CDH12: variants seen among roughly 807,000 people sequenced by gnomAD.
The protein encoded by CDH12 is cadherin-12.
Under a neutral mutation model 74.1 loss-of-function variants are expected in CDH12, and 41 were observed. The ratio of observed to expected loss-of-function variants is 0.55; its 90% CI spans 0.43 to 0.72. The LOEUF (loss-of-function observed/expected upper bound fraction) is 0.72. Ranked by LOEUF, CDH12 falls within the 30% of genes least tolerant of loss-of-function variation. The probability of loss-of-function intolerance (pLI) is 0.00; values close to 1 mark genes in which losing one functional copy is unlikely to be tolerated. For synonymous variants in CDH12, 399 were observed against 355.0 expected (o/e 1.12, Z -1.39); for missense variants, 945 against 977.2 (o/e 0.97, Z 0.44).
At chr5:21,876,730 AT>A (rs61368449) in intron 6 of CDH12, among the ~76,000 whole-genome samples, 111,725 of 152,138 alleles carry the variant, frequency 0.73, 45,436 homozygotes, top group Non-Finnish European at 0.9. Context: ...TGTAAATTTA[AT>A]TTTGTCCACA....
intron 5 of CDH12, among the ~76,000 whole-genome samples, chr5:22,024,653 CA>C (rs1381931021): frequency 6.6e-6 from 1 of 152,100 alleles, no homozygotes; most frequent in Non-Finnish European, 1.5e-5. Context: ...GCTGGGATTA[CA>C]GGCACATGCT....
rs77450383 is a variant in CDH12, at chr5:22,379,782, GTC to G, written c.-333+25473_-333+25474del. On this transcript the variant is annotated intron_variant, in intron 3 of 14. Coordinates refer to ENST00000382254, the MANE Select transcript of CDH12 (RefSeq NM_004061.5). ...TATTTGTTTATTTATTTGAGATTGAGTCTCTTTCTGTTGCTTTGGCCAGAGTG... is the reference window on the plus strand; with the variant it reads ...TATTTGTTTATTTATTTGAGATTGAGTCTTTCTGTTGCTTTGGCCAGAGTG... Among the ~76,000 whole-genome samples, 764 of 152,202 alleles carry G rather than the reference GTC, an allele frequency of 5.0e-3. 16 individuals are homozygous for G. In the East Asian group the frequency reaches 0.054, roughly 11 times the overall value.
chr5:22,369,760 A>G (rs575430923), intron 3 of CDH12, among the ~76,000 whole-genome samples: 1 of 152,222 alleles, frequency 6.6e-6, no homozygotes, highest in Non-Finnish European at 1.5e-5. Flanking sequence ...CAGGCAAATA[A>G]GAATAATTAG....
intron 1 of CDH12, among the ~76,000 whole-genome samples, chr5:22,704,431 A>G (rs1348776193): frequency 2.0e-5 from 3 of 152,142 alleles, no homozygotes; most frequent in African/African-American, 7.2e-5. Flanking sequence ...AGCAAAAACT[A>G]TTTTAAAATA....
At chr5:21,971,778 A>T (rs1756865237) in intron 6 of CDH12, among the ~76,000 whole-genome samples, 1 of 152,132 alleles carries the variant, frequency 6.6e-6, no homozygotes, top group Non-Finnish European at 1.5e-5. Context: ...GTCTCCAAGG[A>T]TTTGCTTTGA....
intron 1 of CDH12, among the ~76,000 whole-genome samples, chr5:22,640,063 A>G (rs1364446921): frequency 6.6e-6 from 1 of 152,200 alleles, no homozygotes; most frequent in Non-Finnish European, 1.5e-5. Flanking sequence ...AACAATAAAG[A>G]AAGTGGTAAC....
intron 1 of CDH12, among the ~76,000 whole-genome samples, chr5:22,747,976 T>A (rs998443257): frequency 2.6e-5 from 4 of 152,174 alleles, no homozygotes; most frequent in Non-Finnish European, 5.9e-5. Flanking sequence ...TTGGTTCCCA[T>A]AAAGAGCACA....
At chr5:21,867,258 G>A (rs1751378868) in intron 6 of CDH12, among the ~76,000 whole-genome samples, 1 of 152,206 alleles carries the variant, frequency 6.6e-6, no homozygotes, top group Non-Finnish European at 1.5e-5. Flanking sequence ...AGGAGTCTGA[G>A]GCAAGAGAAT....
chr5:22,018,071 A>G (rs924019113), intron 5 of CDH12, among the ~76,000 whole-genome samples: 11 of 152,066 alleles, frequency 7.2e-5, no homozygotes, highest in African/African-American at 2.7e-4. Context: ...CTTCCTTTTA[A>G]TATTTAGTCC....
chr5:22,350,030 G>A (rs1279357039), intron 3 of CDH12, among the ~76,000 whole-genome samples: 13 of 152,146 alleles, frequency 8.5e-5, no homozygotes, highest in Admixed American at 4.6e-4. Context: ...GACATAGAGC[G>A]TACCTGTAAA....
intron 1 of CDH12, chr5:22,580,319 G>A (rs1740018965): frequency 4.7e-6 from 2 of 427,046 alleles, no homozygotes; most frequent in South Asian, 3.5e-5. Flanking sequence ...TGGCAAACAA[G>A]TGGTGCTTGC....
chr5:22,228,707 C>T (rs1752279389), intron 3 of CDH12, among the ~76,000 whole-genome samples: 1 of 151,924 alleles, frequency 6.6e-6, no homozygotes, highest in Admixed American at 6.6e-5. Flanking sequence ...TTCTAATTAG[C>T]CTGAATGTGC....
chr5:22,762,681 G>T (rs1008830883), intron 1 of CDH12, among the ~76,000 whole-genome samples: 4 of 151,910 alleles, frequency 2.6e-5, no homozygotes, highest in Non-Finnish European at 5.9e-5. Flanking sequence ...TTCTTTTCTG[G>T]GAAGATAAGA....
intron 6 of CDH12, among the ~76,000 whole-genome samples, chr5:21,930,568 C>A (rs770104397): frequency 4.6e-5 from 7 of 152,216 alleles, no homozygotes; most frequent in Non-Finnish European, 5.9e-5. Flanking sequence ...GAAAATTTAG[C>A]GCACTGTCTG....
intron 4 of CDH12, among the ~76,000 whole-genome samples, chr5:22,113,698 G>T (rs1202627810): frequency 6.6e-6 from 1 of 152,018 alleles, no homozygotes; most frequent in Non-Finnish European, 1.5e-5. Context: ...CTCATATTTG[G>T]CTCAGACTAA....
At chr5:22,711,871 A>C (rs1307690244) in intron 1 of CDH12, among the ~76,000 whole-genome samples, 2 of 152,114 alleles carry the variant, frequency 1.3e-5, no homozygotes, top group Non-Finnish European at 1.5e-5. Context: ...GAGGGCATTC[A>C]TTACAAAATC....
At chr5:22,001,605 C>A (rs1453690924) in intron 5 of CDH12, among the ~76,000 whole-genome samples, 2 of 151,920 alleles carry the variant, frequency 1.3e-5, no homozygotes, top group African/African-American at 4.8e-5. Context: ...AGGCATGGTA[C>A]CCAATGGCTA....
At chr5:21,777,693 G>A (rs144788414) in intron 11 of CDH12, among the ~76,000 whole-genome samples, 54 of 152,172 alleles carry the variant, frequency 3.5e-4, no homozygotes, top group East Asian at 1.2e-3. Context: ...ATTTCACCAT[G>A]TTGGCCAGGC....
At chr5:22,174,541 C>A (rs1247511822) in intron 4 of CDH12, among the ~76,000 whole-genome samples, 2 of 151,776 alleles carry the variant, frequency 1.3e-5, no homozygotes, top group African/African-American at 4.8e-5. Context: ...AGGCAGAAAT[C>A]ATGAATTGGA....
Sources: gnomAD v4.1 joint callset for allele counts (sites outside exome capture counted in the v4.1 genomes callset) on GRCh38, gnomAD v4.1.1 for gene constraint, MANE v1.5 for transcripts, NCBI Gene and HGNC (gene_info 2026-07-23, HGNC 2026-07-21) for gene names.